Variants in B3GALT5 observed in about 807,000 individuals in gnomAD.
The protein encoded by B3GALT5 is UDP-Gal:betaGlcNAc beta 1,3-galactosyltransferase, polypeptide 5.
For missense variants in B3GALT5, 328 were observed against 396.6 expected (o/e 0.83, Z 1.47); for synonymous variants, 156 against 158.6 (o/e 0.98, Z 0.12).
chr21:39,643,999 G>A (rs965067658), intron 1 of B3GALT5, among the ~76,000 whole-genome samples: 9 of 152,190 alleles, frequency 5.9e-5, no homozygotes, highest in African/African-American at 2.2e-4. Flanking sequence ...CTAAAGTTAA[G>A]GATGGGCGCC....
chr21:39,622,802 T>C (rs916732400), intron 1 of B3GALT5, among the ~76,000 whole-genome samples: 1 of 152,100 alleles, frequency 6.6e-6, no homozygotes, highest in Admixed American at 6.5e-5. Flanking sequence ...TCTTCATTTT[T>C]TCGTCTCCTG....
chr21:39,624,863 T>C (rs948501885), intron 1 of B3GALT5, among the ~76,000 whole-genome samples: 1 of 151,464 alleles, frequency 6.6e-6, no homozygotes, highest in South Asian at 2.1e-4. Context: ...TTTTTTTTTT[T>C]CTTTCCATCC....
At chr21:39,632,555 G>A (rs1026364459) in intron 1 of B3GALT5, among the ~76,000 whole-genome samples, 17 of 152,312 alleles carry the variant, frequency 1.1e-4, no homozygotes, top group Admixed American at 4.6e-4. Flanking sequence ...TTTATTTTGT[G>A]TTAACAAAGT....
At position 39,661,198 on chromosome 21, in the gene B3GALT5, C is replaced by T; in HGVS notation, c.639C>T (p.Phe213=). The T allele has an allele frequency of 6.2e-7, 1 of 1,614,202 alleles. No homozygotes were observed. Among genetic ancestry groups the T allele is most frequent in the Non-Finnish European group, 8.5e-7 (1 of 1,180,034 alleles). The change falls in exon 4 of 4, where the codon TTC becomes TTT. Residue 213 remains phenylalanine, a synonymous_variant. Coordinates refer to ENST00000684187, the MANE Select transcript of B3GALT5 (RefSeq NM_001356336.2). This position sits in a 1 kb window ranked among gnomAD's most constrained non-coding sequence, Gnocchi z 4.7. The part of the protein sequence containing the change: ...SEYPWDRYPP[F]CSGTGYVFSG... ...ATCCGTGGGACAGGTACCCACCATT[C>T]TGCTCCGGCACCGGCTACGTGTTTT...
intron 2 of B3GALT5, among the ~76,000 whole-genome samples, chr21:39,654,237 G>A (rs752967362): frequency 3.9e-5 from 6 of 152,218 alleles, no homozygotes; most frequent in Non-Finnish European, 7.3e-5. Flanking sequence ...TTACAGGTGT[G>A]TGCCACCACT....
chr21:39,662,718 A>T lies in B3GALT5; in HGVS notation c.*1226A>T, dbSNP rs1215348564. 1 of 167,478 alleles carries T rather than the reference A, an allele frequency of 6.0e-6. No individual in the cohort carries two copies. The highest frequency in any genetic ancestry group is 1.5e-5 in the Non-Finnish European group (1 of 68,130). The allele number at this position is 167,478 out of a possible 1,614,324, so 10.4% of individuals were successfully genotyped here. ...TTGCAGGGTTGTATAAAACCAAGGT[A>T]CTTCGTTAGTTTTGCCCATTCAGCC... On this transcript the variant is annotated 3_prime_UTR_variant, in exon 4 of 4. Coordinates refer to ENST00000684187, the MANE Select transcript of B3GALT5 (RefSeq NM_001356336.2).
intron 1 of B3GALT5, among the ~76,000 whole-genome samples, chr21:39,632,501 C>A (rs2079198720): frequency 6.6e-6 from 1 of 152,070 alleles, no homozygotes; most frequent in African/African-American, 2.4e-5. Flanking sequence ...GGAGACGCCA[C>A]GTAATTGAGG....
intron 1 of B3GALT5, among the ~76,000 whole-genome samples, chr21:39,615,064 C>T (rs1158139843): frequency 2.0e-5 from 3 of 152,204 alleles, no homozygotes; most frequent in Non-Finnish European, 2.9e-5. Context: ...CCCAGGTTTG[C>T]AGCCTGTGTT....
At chr21:39,616,498 C>A (rs2079108083) in intron 1 of B3GALT5, among the ~76,000 whole-genome samples, 1 of 152,180 alleles carries the variant, frequency 6.6e-6, no homozygotes. Context: ...GGCTTCTTCA[C>A]TTGTCTTTTG....
intron 1 of B3GALT5, among the ~76,000 whole-genome samples, chr21:39,634,714 G>A (rs150406728): frequency 6.6e-6 from 1 of 152,120 alleles, no homozygotes; most frequent in Non-Finnish European, 1.5e-5. Flanking sequence ...AAGCATATTG[G>A]TTCTCAAAGT....
At chr21:39,638,843 C>G (rs927097864) in intron 1 of B3GALT5, among the ~76,000 whole-genome samples, 7 of 152,176 alleles carry the variant, frequency 4.6e-5, no homozygotes, top group Non-Finnish European at 8.8e-5. Context: ...GTCACTCCCC[C>G]ATCACACGCC....
intron 1 of B3GALT5, among the ~76,000 whole-genome samples, chr21:39,643,429 AAAAAG>A (rs929166815): frequency 6.0e-5 from 9 of 150,774 alleles, no homozygotes; most frequent in African/African-American, 2.2e-4. Flanking sequence ...AAAAAAAAAA[AAAAAG>A]AAAAAGAAAA....
chr21:39,635,393 C>T (rs1445243239), intron 1 of B3GALT5, among the ~76,000 whole-genome samples: 1 of 152,164 alleles, frequency 6.6e-6, no homozygotes, highest in South Asian at 2.1e-4. Flanking sequence ...TAACAAATCA[C>T]GGATGCGTTT....
intron 1 of B3GALT5, among the ~76,000 whole-genome samples, chr21:39,639,817 A>C (rs1218171458): frequency 6.6e-6 from 1 of 152,024 alleles, no homozygotes; most frequent in East Asian, 1.9e-4. Context: ...TGGCCCCTGC[A>C]TCCTGTAGCT....
intron 1 of B3GALT5, among the ~76,000 whole-genome samples, chr21:39,614,527 G>T (rs1432701093): frequency 6.6e-6 from 1 of 152,164 alleles, no homozygotes; most frequent in Non-Finnish European, 1.5e-5. Context: ...TTCTTTTGTA[G>T]GATTTCTAAG....
In B3GALT5 at chr21:39,666,516, G is replaced by A. The variant is rs987376; in HGVS notation, c.*5024G>A. On this transcript the variant is annotated 3_prime_UTR_variant, in exon 4 of 4. Coordinates refer to ENST00000684187, the MANE Select transcript of B3GALT5 (RefSeq NM_001356336.2). ...ACCATGTTGGCCAGGCTGGTCTTGA[G>A]CTCCTGACCTCAGGTAATCTACGTG... is the stretch of plus-strand genomic sequence containing the variant. 120,936 of 151,942 alleles carry A rather than the reference G, an allele frequency of 0.8. 48,206 individuals carry two copies. The highest frequency in any genetic ancestry group is 0.87 in the Middle Eastern group (257 of 296). The allele number at this position is 151,942 out of a possible 1,614,324, so 9.4% of individuals were successfully genotyped here.
chr21:39,625,569 A>G (rs546519370), intron 1 of B3GALT5, among the ~76,000 whole-genome samples: 5 of 152,314 alleles, frequency 3.3e-5, no homozygotes, highest in Non-Finnish European at 7.3e-5. Context: ...CTTGCCTGTG[A>G]GTCTCCTTTT....
At chr21:39,626,855 G>A (rs1243072398) in intron 1 of B3GALT5, among the ~76,000 whole-genome samples, 2 of 151,618 alleles carry the variant, frequency 1.3e-5, no homozygotes, top group Non-Finnish European at 2.9e-5. Context: ...TGATGAACTT[G>A]ACTTCTGGGA....
intron 2 of B3GALT5, among the ~76,000 whole-genome samples, chr21:39,658,605 A>G (rs1246865093): frequency 6.6e-6 from 1 of 152,154 alleles, no homozygotes. Flanking sequence ...AAGGAGAGAA[A>G]GAGAAAGAAA....
Sources: allele counts gnomAD v4.1 joint callset (sites outside exome capture counted in the v4.1 genomes callset), GRCh38; gene constraint gnomAD v4.1.1; non-coding constraint Gnocchi (gnomAD v3.1); transcripts MANE v1.5; gene names NCBI Gene and HGNC (gene_info 2026-07-23, HGNC 2026-07-21).